Variants in PLCD1 observed in about 807,000 individuals in gnomAD.
The protein encoded by PLCD1 is 1-phosphatidylinositol 4,5-bisphosphate phosphodiesterase delta-1.
Under a neutral mutation model 87.4 loss-of-function variants are expected in PLCD1, and 71 were observed. The observed-to-expected ratio is 0.81, with a 90% confidence interval of 0.67 to 0.99. The LOEUF is 0.99. Ranked by LOEUF, PLCD1 falls within the 50% of genes least tolerant of loss-of-function variation. The pLI is 0.00. For synonymous variants in PLCD1, 348 were observed against 399.2 expected (o/e 0.87, Z 1.53); for missense variants, 867 against 1,001.5 (o/e 0.87, Z 1.81).
intron 1 of PLCD1, among the ~76,000 whole-genome samples, chr3:38,026,837 T>C (rs1000718316): frequency 9.9e-5 from 15 of 152,230 alleles, no homozygotes; most frequent in African/African-American, 3.6e-4. Context: ...TGCTATCCCA[T>C]GGATGATTCT....
chr3:38,012,727 T>G lies in PLCD1; in HGVS notation c.429-1054A>C, dbSNP rs569075541. Among the ~76,000 whole-genome samples, 40 of 152,112 alleles carry G rather than the reference T, an allele frequency of 2.6e-4. 1 individual carries two copies. In the South Asian group the frequency reaches 7.7e-3, roughly 29 times the overall value. The stretch of plus-strand genomic sequence containing the variant: ...AGACGGGGTTTCAGCATGTTGGCTA[T>G]GCTGGTCTTGAACTCCTCACCTCAA... On this transcript the variant is annotated intron_variant, in intron 3 of 14. Coordinates refer to ENST00000334661, the MANE Select transcript of PLCD1 (RefSeq NM_006225.4).
At chr3:38,024,811 T>G (rs1391195142) in intron 1 of PLCD1, 1 of 1,130,684 alleles carries the variant, frequency 8.8e-7, no homozygotes, top group Non-Finnish European at 1.1e-6. Flanking sequence ...GAGGGCAGAG[T>G]CAGACCCCAA....
chr3:38,027,834 G>C (rs1435724296), intron 1 of PLCD1, among the ~76,000 whole-genome samples: 2 of 152,248 alleles, frequency 1.3e-5, no homozygotes, highest in Non-Finnish European at 2.9e-5. Context: ...TTTGCAGTGT[G>C]GACAGAAGGC....
chr3:38,029,444 G>A, intron 1 of PLCD1, 62 bp downstream of exon 1: 1 of 1,460,320 alleles, frequency 6.8e-7, no homozygotes, highest in Non-Finnish European at 9.3e-7. Flanking sequence ...TCCAGGGCCC[G>A]GAACAGCTTT....
rs746893580 is a variant in PLCD1 at position 38,011,349 on chromosome 3, C to T, written c.655G>A (p.Ala219Thr). ...TQRVEIDRTF[A>T]EAAGSGETLS... ...GTCTCCCCTGAGCCCGCGGCCTCGG[C>T]GAAGGTGCGGTCGATCTCCACCCGC... The change falls in exon 5 of 15, where the codon GCC becomes ACC. Residue 219 changes from alanine (A) to threonine (T), a missense_variant. By Grantham distance (58) the Ala-to-Thr change is moderately conservative (BLOSUM62 0). Coordinates refer to ENST00000334661, the MANE Select transcript of PLCD1 (RefSeq NM_006225.4). The T allele has an allele frequency of 2.4e-5, 39 of 1,612,656 alleles. No individual in the cohort carries two copies. The highest frequency in any genetic ancestry group is 8.3e-5 in the Admixed American group (5 of 60,016).
chr3:38,017,666 T>C lies in PLCD1; in HGVS notation c.200-947A>G, dbSNP rs1700178273. On this transcript the variant is annotated intron_variant, in intron 2 of 14. Transcript: ENST00000334661. This position sits in a 1 kb window ranked among gnomAD's most constrained non-coding sequence, Gnocchi z 4.7. ...CAGGATCCAGGCTCTGCCCCTGCCA[T>C]ACCTCCATCCTGAGCCATCCTCATC... is the stretch of plus-strand genomic sequence containing the variant. 6.6e-6 allele frequency among the ~76,000 whole-genome samples: 1 copy of C among 152,144 alleles called. No individual in the cohort carries two copies. Among genetic ancestry groups the C allele is most frequent in the Admixed American group, 6.5e-5 (1 of 15,282 alleles).
rs763686925 is a variant in PLCD1 at position 38,008,011 on chromosome 3, C to T, written c.2185+3G>A. On this transcript the variant is annotated splice_donor_region_variant and intron_variant, in intron 14 of 14. Coordinates refer to ENST00000334661, the MANE Select transcript of PLCD1 (RefSeq NM_006225.4). The stretch of plus-strand genomic sequence containing the variant: ...TTGGCCATCCCCTTCTCTTGACACT[C>T]ACCTTGCTTGAGGCTGTTCAAGGGG... The T allele has an allele frequency of 1.2e-6, 2 of 1,614,086 alleles. No individual in the cohort carries two copies. The highest frequency in any genetic ancestry group is 1.7e-5 in the Admixed American group (1 of 60,014).
chr3:38,018,116 A>C lies in PLCD1; in HGVS notation c.200-1397T>G, dbSNP rs547276155. ...GGGTAGTAGTGGCAGGATTGGGGAGACTTAAAAAGCAGGAAGCAGAGCTAA... is the reference window on the plus strand; with the variant it reads ...GGGTAGTAGTGGCAGGATTGGGGAGCCTTAAAAAGCAGGAAGCAGAGCTAA... On this transcript the variant is annotated intron_variant, in intron 2 of 14. Coordinates refer to ENST00000334661, the MANE Select transcript of PLCD1 (RefSeq NM_006225.4). This position sits in a 1 kb window ranked among gnomAD's most constrained non-coding sequence, Gnocchi z 5.7. Among the ~76,000 whole-genome samples, 378 of 152,200 alleles carry C rather than the reference A, an allele frequency of 2.5e-3. 4 individuals carry two copies. Among genetic ancestry groups the C allele is most frequent in the African/African-American group, 8.0e-3 (334 of 41,516 alleles).
chr3:38,011,550 G>A lies in PLCD1; in HGVS notation c.552C>T (p.Ile184=), dbSNP rs745424973. The A allele has an allele frequency of 1.4e-5, 22 of 1,614,206 alleles. No individual in the cohort carries two copies. The highest frequency in any genetic ancestry group is 1.8e-5 in the Non-Finnish European group (21 of 1,180,016). The part of the protein sequence containing the change: ...IQVDDSYARK[I]FRECDHSQTD... The stretch of plus-strand genomic sequence containing the variant: ...CCCCCACTTCCTGCCTCACCCTGAA[G>A]ATCTTCCGGGCATAGCTGTCGTCCA... Residue 184 remains isoleucine, a synonymous_variant, in exon 4 of 15, where the codon ATC becomes ATT. Coordinates refer to ENST00000334661, the MANE Select transcript of PLCD1 (RefSeq NM_006225.4).
intron 14 of PLCD1, 70 bp from the exon 15 acceptor site, chr3:38,007,928 T>C (rs1012637108): frequency 2.5e-6 from 4 of 1,605,006 alleles, no homozygotes; most frequent in Non-Finnish European, 3.4e-6. Context: ...GGGGGGTGGA[T>C]GCGTCAAGGG....
Position 38,010,553 on chromosome 3 carries a change from T to C in PLCD1, c.800A>G (p.Gln267Arg). The change falls in exon 6 of 15, where the codon CAG (glutamine) becomes CGG (arginine). Residue 267 changes from glutamine (Q) to arginine (R), a missense_variant. Gln to Arg is a conservative substitution (Grantham distance 43, BLOSUM62 1). Transcript: ENST00000334661. ...RYEPSETAKA[Q>R]RQMTKDGFLM... The stretch of plus-strand genomic sequence containing the variant: ...GAAGCCGTCCTTGGTCATCTGCCGC[T>C]GCGCCTTGGCTGGGAGGGAGGAGGC... The C allele has an allele frequency of 6.2e-7, 1 of 1,613,190 alleles. No homozygotes were observed. Among genetic ancestry groups the C allele is most frequent in the South Asian group, 1.1e-5 (1 of 90,980 alleles).
chr3:38,010,702 G>GT (rs1225344921), intron 5 of PLCD1, 140 bp from the exon 6 acceptor site: 16 of 692,208 alleles, frequency 2.3e-5, no homozygotes, highest in Admixed American at 5.1e-5. Context: ...TTGGAATTAG[G>GT]ATAAGTCTGA....
At chr3:38,019,349 A>G (rs1700200612) in intron 2 of PLCD1, among the ~76,000 whole-genome samples, 1 of 152,216 alleles carries the variant, frequency 6.6e-6, no homozygotes, top group African/African-American at 2.4e-5. Flanking sequence ...CGGCAGTCAC[A>G]CTAGCCACAT....
chr3:38,024,593 A>G (rs1431591830), intron 1 of PLCD1: 1 of 1,510,850 alleles, frequency 6.6e-7, no homozygotes, highest in Non-Finnish European at 8.8e-7. Context: ...GAGGAGCTAG[A>G]GTTCGAGAGG....
Position 38,009,428 on chromosome 3 carries a change from C to T in PLCD1, c.1450G>A (p.Asp484Asn), listed in dbSNP as rs1700030750. 2.5e-6 allele frequency: 4 copies of T among 1,614,188 alleles called. No homozygotes were observed. Among genetic ancestry groups the T allele is most frequent in the Non-Finnish European group, 3.4e-6 (4 of 1,180,014 alleles). The change falls in exon 10 of 15, where the codon GAC (aspartate) becomes AAC (asparagine). Residue 484 changes from aspartate (D) to asparagine (N), a missense_variant. Physicochemically the swap from Asp to Asn is conservative, Grantham distance 23. Coordinates refer to ENST00000334661, the MANE Select transcript of PLCD1 (RefSeq NM_006225.4). The stretch of plus-strand genomic sequence containing the variant: ...AGCTCCTGTGCTAGCCTGAGCTTGT[C>T]CTCCTGGGGAACACGGGGAGGCCCG... Reference protein sequence around the residue: ...RSRVQHKPKEDKLRLAQELSD... With the variant: ...RSRVQHKPKENKLRLAQELSD...
Position 38,009,936 on chromosome 3 carries a change from C to T in PLCD1, c.1255G>A (p.Asp419Asn). 6.2e-7 allele frequency: 1 copy of T among 1,612,622 alleles called. No homozygotes were observed. Residue 419 changes from aspartate to asparagine, a missense_variant, in exon 8 of 15, where the codon GAT becomes AAT. Coordinates refer to ENST00000334661, the MANE Select transcript of PLCD1 (RefSeq NM_006225.4). ...GAGGGCAGGCTGTTGGTGACCCCAT[C>T]CAGTGGTCGGTTCAACAGCATGGGG... Reference protein sequence around the residue: ...LGPMLLNRPLDGVTNSLPSPE... With the variant: ...LGPMLLNRPLNGVTNSLPSPE...
intron 1 of PLCD1, among the ~76,000 whole-genome samples, chr3:38,026,316 C>T (rs1432255735): frequency 6.6e-6 from 1 of 152,084 alleles, no homozygotes; most frequent in Admixed American, 6.5e-5. Flanking sequence ...GTCAGGAGTT[C>T]GAGACCAGCC....
At chr3:38,014,796 G>T (rs1211872744) in intron 3 of PLCD1, 1 of 152,182 alleles carries the variant, frequency 6.6e-6, no homozygotes, top group African/African-American at 2.4e-5. Flanking sequence ...AAAGACAAAT[G>T]ATCCAAAAAA....
rs747409649 is a variant in PLCD1, at chr3:38,008,141, C to T, written c.2058G>A (p.Thr686=). 1.4e-5 allele frequency: 23 copies of T among 1,613,852 alleles called. No individual in the cohort carries two copies. The highest frequency in any genetic ancestry group is 4.5e-5 in the East Asian group (2 of 44,884). The part of the protein sequence containing the change: ...TNNGFNPWWD[T]EFAFEVVVPD... The stretch of plus-strand genomic sequence containing the variant: ...GCACAACTACCTCAAACGCAAACTC[C>T]GTGTCCCACCATGGGTTGAAACCTA... The change falls in exon 14 of 15, where the codon ACG becomes ACA. Residue 686 remains threonine (T), a synonymous_variant. Transcript: ENST00000334661.
Sources: gnomAD v4.1 joint callset for allele counts (sites outside exome capture counted in the v4.1 genomes callset) on GRCh38, gnomAD v4.1.1 for gene constraint, Gnocchi (gnomAD v3.1) non-coding constraint, MANE v1.5 for transcripts, NCBI Gene and HGNC (gene_info 2026-07-23, HGNC 2026-07-21) for gene names.